LRRC4C: variants seen among roughly 807,000 people sequenced by gnomAD.
The protein encoded by LRRC4C is leucine rich repeat containing 4C, also known as leucine-rich repeat-containing protein 4C.
A neutral mutation model predicts 33.6 loss-of-function variants in LRRC4C; 5 were observed. The observed-to-expected ratio is 0.15, with a 90% confidence interval of 0.08 to 0.31. LRRC4C has a LOEUF of 0.31. Ranked by LOEUF, LRRC4C falls within the 10% of genes least tolerant of loss-of-function variation. The probability of loss-of-function intolerance (pLI) is 1.00; values close to 1 mark genes in which losing one functional copy is unlikely to be tolerated. For missense variants in LRRC4C, 560 were observed against 796.7 expected, an observed-to-expected ratio of 0.70 and a Z score of 3.58; for synonymous variants, 329 against 302.0, an observed-to-expected ratio of 1.09 and a Z score of -0.93.
rs142346202 is a variant in LRRC4C, at chr11:41,392,810, A to C, written c.-496+66621T>G. Among the ~76,000 whole-genome samples the C allele has an allele frequency of 5.5e-3, 834 of 151,934 alleles. 7 individuals carry two copies. Among genetic ancestry groups the C allele is most frequent in the Non-Finnish European group, 8.4e-3 (573 of 67,860 alleles). The stretch of plus-strand genomic sequence containing the variant: ...ATCCCAAGAATTTCTGGGAACTGCT[A>C]GTGGCCCAGAGGAAGCAGGAAGGAT... On this transcript the variant is annotated intron_variant, in intron 1 of 6. Coordinates refer to ENST00000528697, the MANE Select transcript of LRRC4C (RefSeq NM_001258419.2).
At chr11:40,306,037 C>T (rs112414474) in intron 4 of LRRC4C, among the ~76,000 whole-genome samples, 15 of 152,308 alleles carry the variant, frequency 9.8e-5, no homozygotes, top group South Asian at 2.1e-4. Context: ...AACAGAACTT[C>T]GGCCCATTCT....
chr11:40,422,493 T>A (rs890349483), intron 3 of LRRC4C, among the ~76,000 whole-genome samples: 1 of 152,216 alleles, frequency 6.6e-6, no homozygotes, highest in South Asian at 2.1e-4. Context: ...CACATTGTCA[T>A]GTTCAACGTT....
chr11:41,079,882 G>T (rs1390527551), intron 1 of LRRC4C, among the ~76,000 whole-genome samples: 1 of 152,124 alleles, frequency 6.6e-6, no homozygotes, highest in Non-Finnish European at 1.5e-5. Flanking sequence ...GAAGCCAAGG[G>T]ATTGGATATC....
chr11:40,303,891 G>A (rs911511153), intron 4 of LRRC4C, among the ~76,000 whole-genome samples: 4 of 152,144 alleles, frequency 2.6e-5, no homozygotes, highest in Admixed American at 2.0e-4. Context: ...ACAGAGCAAT[G>A]TGATTGAATA....
chr11:40,588,189 C>G (rs1958853709), intron 3 of LRRC4C, among the ~76,000 whole-genome samples: 1 of 151,102 alleles, frequency 6.6e-6, no homozygotes, highest in Admixed American at 6.6e-5. Flanking sequence ...TCAACTTCTT[C>G]CTGGTTTAGT....
chr11:40,870,956 T>A (rs1420902378), intron 2 of LRRC4C, among the ~76,000 whole-genome samples: 1 of 152,130 alleles, frequency 6.6e-6, no homozygotes, highest in Admixed American at 6.6e-5. Context: ...GGAACATCCC[T>A]GAGAAAGAGA....
intron 3 of LRRC4C, among the ~76,000 whole-genome samples, chr11:40,592,995 G>GGGC (rs1387743691): frequency 6.6e-6 from 1 of 151,866 alleles, no homozygotes; most frequent in Non-Finnish European, 1.5e-5. Flanking sequence ...GACTCCAGTG[G>GGGC]GGCTTTCTGA....
intron 2 of LRRC4C, among the ~76,000 whole-genome samples, chr11:40,717,467 T>G (rs567271683): frequency 6.6e-6 from 1 of 152,176 alleles, no homozygotes; most frequent in East Asian, 1.9e-4. Flanking sequence ...GTTTGAAGAG[T>G]GCAGAAATTA....
intron 2 of LRRC4C, among the ~76,000 whole-genome samples, chr11:40,921,112 A>C (rs180806128): frequency 4.7e-4 from 71 of 152,052 alleles, no homozygotes; most frequent in Non-Finnish European, 9.3e-4. Flanking sequence ...TCGTAGAGAC[A>C]AGGTCTCGCT....
At chr11:40,547,380 T>C (rs7118947) in intron 3 of LRRC4C, among the ~76,000 whole-genome samples, 86,006 of 151,900 alleles carry the variant, frequency 0.57, 24,727 homozygotes, top group East Asian at 0.81. Context: ...ATTATTTTAA[T>C]GCCTCCTATT....
At position 40,555,405 on chromosome 11, in the gene LRRC4C, C is replaced by T. The variant is rs187778345; in HGVS notation, c.-270+92737G>A. Among the ~76,000 whole-genome samples the T allele has an allele frequency of 6.5e-3, 987 of 152,238 alleles. 15 individuals are homozygous for T. Among genetic ancestry groups the T allele is most frequent in the African/African-American group, 0.023 (952 of 41,532 alleles). Reference sequence around the variant, plus strand: ...GGTATCTTCAGAGTTTATGCCAATTCAAACAGATATTATTGTAATTCTTAT... The same window carrying T: ...GGTATCTTCAGAGTTTATGCCAATTTAAACAGATATTATTGTAATTCTTAT... On this transcript the variant is annotated intron_variant, in intron 3 of 6. Coordinates refer to ENST00000528697, the MANE Select transcript of LRRC4C (RefSeq NM_001258419.2).
chr11:40,186,050 T>G (rs113644525), intron 5 of LRRC4C, among the ~76,000 whole-genome samples: 92 of 152,326 alleles, frequency 6.0e-4, no homozygotes, highest in Admixed American at 9.1e-4. Flanking sequence ...GTATTTTGCT[T>G]GCTTATTTGT....
rs561312301 is a variant in LRRC4C at position 41,142,991 on chromosome 11, T to C, written c.-495-209268A>G. ...GCAGAGTTTTTCCATAAGGATACTT[T>C]ATATATTTGTGTTATAGAAAATTCT... On this transcript the variant is annotated intron_variant, in intron 1 of 6. Coordinates refer to ENST00000528697, the MANE Select transcript of LRRC4C (RefSeq NM_001258419.2). Among the ~76,000 whole-genome samples, 10 of 152,306 alleles carry C rather than the reference T, an allele frequency of 6.6e-5. No homozygotes were observed. The South Asian group carries it at 1.0e-3, about 16-fold the overall frequency.
At chr11:40,857,294 C>G (rs906886804) in intron 2 of LRRC4C, among the ~76,000 whole-genome samples, 2 of 152,130 alleles carry the variant, frequency 1.3e-5, no homozygotes, top group Non-Finnish European at 2.9e-5. Flanking sequence ...ACTCATCAAC[C>G]TATCACCTAG....
chr11:40,540,047 T>C (rs1302020821), intron 3 of LRRC4C, among the ~76,000 whole-genome samples: 1 of 152,186 alleles, frequency 6.6e-6, no homozygotes, highest in Non-Finnish European at 1.5e-5. Context: ...CTTCAAACTT[T>C]CAAAGTTGGA....
intron 3 of LRRC4C, among the ~76,000 whole-genome samples, chr11:40,458,203 C>T (rs1170904933): frequency 6.6e-6 from 1 of 152,070 alleles, no homozygotes; most frequent in East Asian, 1.9e-4. Context: ...ATCCTTGTTA[C>T]CAGCCATGGA....
intron 2 of LRRC4C, among the ~76,000 whole-genome samples, chr11:40,722,872 T>C (rs1362762969): frequency 6.6e-6 from 1 of 152,036 alleles, no homozygotes; most frequent in Non-Finnish European, 1.5e-5. Context: ...TAATCCAAAA[T>C]TTAAAAGATG....
intron 1 of LRRC4C, among the ~76,000 whole-genome samples, chr11:41,325,581 GT>G (rs1352851388): frequency 1.0e-5 from 1 of 97,338 alleles, no homozygotes; most frequent in Non-Finnish European, 2.1e-5. Context: ...TTTTTTTTGT[GT>G]GTGTGTGTGT....
intron 1 of LRRC4C, among the ~76,000 whole-genome samples, chr11:41,075,014 C>CTTTTTTTTTTTTTTTTTTTT (rs869112602): frequency 2.0e-5 from 2 of 101,014 alleles, no homozygotes; most frequent in African/African-American, 3.2e-5. Context: ...CTTCAATTTT[C>CTTTTTTTTTTTTTTTTTTTT]TTTTTTTTTT....
Sources: gnomAD v4.1 joint callset for allele counts (sites outside exome capture counted in the v4.1 genomes callset) on GRCh38, gnomAD v4.1.1 for gene constraint, MANE v1.5 for transcripts, NCBI Gene and HGNC (gene_info 2026-07-23, HGNC 2026-07-21) for gene names.